NUP210L: variants seen among roughly 807,000 people sequenced by gnomAD.
NUP210L encodes the protein nuclear pore membrane glycoprotein 210-like.
NUP210L carries 74 observed loss-of-function variants against 208.5 expected under a neutral mutation model. That is an observed-to-expected ratio of 0.35 (90% CI 0.29 to 0.43). The LOEUF is 0.43. Ranked by LOEUF, NUP210L falls within the 20% of genes least tolerant of loss-of-function variation. NUP210L has a pLI of 1.00. For synonymous variants in NUP210L, 780 were observed against 816.9 expected (o/e 0.95, Z 0.77); for missense variants, 1,843 against 2,289.4 (o/e 0.81, Z 3.98).
intron 16 of NUP210L, among the ~76,000 whole-genome samples, chr1:154,075,442 C>T (rs541553115): frequency 1.1e-3 from 174 of 151,996 alleles, no homozygotes; most frequent in Admixed American, 2.1e-3. Flanking sequence ...ATACCAGGAA[C>T]ACAAATAAAT....
chr1:154,039,603 T>C (rs1227450655), intron 27 of NUP210L, among the ~76,000 whole-genome samples: 1 of 152,214 alleles, frequency 6.6e-6, no homozygotes, highest in Admixed American at 6.6e-5. Flanking sequence ...TAAAAGTTTT[T>C]TCCTTCAGCA....
At chr1:154,023,381 T>C in intron 30 of NUP210L, 84 bp from the exon 31 acceptor site, 5 of 1,072,348 alleles carry the variant, frequency 4.7e-6, no homozygotes, top group Non-Finnish European at 6.7e-6. Context: ...TAATCAATGA[T>C]AAAGAGTGAT....
chr1:154,073,926 T>C (rs1654907989), intron 16 of NUP210L, among the ~76,000 whole-genome samples: 1 of 152,074 alleles, frequency 6.6e-6, no homozygotes. Flanking sequence ...CAACTCTGAA[T>C]AGTGATATCA....
At chr1:154,099,024 A>T (rs893975016) in intron 14 of NUP210L, among the ~76,000 whole-genome samples, 1 of 152,142 alleles carries the variant, frequency 6.6e-6, no homozygotes, top group East Asian at 1.9e-4. Flanking sequence ...GCGTGTGCTC[A>T]TCTGGCCAGA....
At chr1:154,099,242 C>A (rs1040158011) in intron 14 of NUP210L, among the ~76,000 whole-genome samples, 4 of 152,090 alleles carry the variant, frequency 2.6e-5, no homozygotes, top group Admixed American at 6.6e-5. Context: ...GCATCTCCTG[C>A]CTGCTCGGTG....
At chr1:154,140,050 T>C (rs1658760807) in intron 4 of NUP210L, 98 bp from the exon 5 acceptor site, 21 of 978,496 alleles carry the variant, frequency 2.1e-5, no homozygotes, top group Non-Finnish European at 3.1e-5. Context: ...TCAATGTCTA[T>C]AGAATGTAAA....
intron 10 of NUP210L, among the ~76,000 whole-genome samples, chr1:154,124,683 G>A (rs1185862706): frequency 6.6e-6 from 1 of 152,194 alleles, no homozygotes; most frequent in Non-Finnish European, 1.5e-5. Flanking sequence ...TGGTAGTGGT[G>A]GCTCACACCT....
chr1:154,070,434 A>G, exon 17 of NUP210L: 1 of 1,602,336 alleles, frequency 6.2e-7, no homozygotes, highest in Non-Finnish European at 8.5e-7. Flanking sequence ...TGCTAGTTCC[A>G]GGACTGTGTC....
intron 32 of NUP210L, among the ~76,000 whole-genome samples, chr1:154,019,724 C>T (rs560895512): frequency 3.9e-5 from 6 of 152,134 alleles, no homozygotes; most frequent in Admixed American, 1.3e-4. Context: ...GTCAGGAGTT[C>T]GAGACCAGCC....
chr1:154,019,112 A>G (rs371614232), intron 32 of NUP210L, 43 bp from the exon 33 acceptor site: 47 of 1,606,992 alleles, frequency 2.9e-5, no homozygotes, highest in Admixed American at 1.0e-4. Flanking sequence ...AGCCTTTGAT[A>G]TAAATCACTC....
intron 12 of NUP210L, among the ~76,000 whole-genome samples, chr1:154,108,702 A>G (rs1358813271): frequency 6.6e-6 from 1 of 151,766 alleles, no homozygotes; most frequent in Non-Finnish European, 1.5e-5. Flanking sequence ...AAACAACCAG[A>G]AAACAAATTA....
At chr1:154,080,178 G>T (rs1655246005) in intron 16 of NUP210L, among the ~76,000 whole-genome samples, 2 of 149,366 alleles carry the variant, frequency 1.3e-5, no homozygotes, top group Non-Finnish European at 3.0e-5. Context: ...TGGCCAACAT[G>T]GCAAAACTCC....
At chr1:154,025,451 A>G (rs1335645799) in intron 30 of NUP210L, 91 bp downstream of exon 30, 2 of 872,772 alleles carry the variant, frequency 2.3e-6, no homozygotes, top group African/African-American at 1.7e-5. Context: ...TGATAAGAAA[A>G]TTTCTAGTTT....
At chr1:153,997,990 G>A (rs570098164) in intron 37 of NUP210L, among the ~76,000 whole-genome samples, 5 of 152,052 alleles carry the variant, frequency 3.3e-5, no homozygotes, top group African/African-American at 1.2e-4. Flanking sequence ...TTACAGGCTT[G>A]AGCCACTGCA....
At chr1:154,048,926 T>C (rs1653335508) in intron 25 of NUP210L, among the ~76,000 whole-genome samples, 1 of 152,146 alleles carries the variant, frequency 6.6e-6, no homozygotes, top group South Asian at 2.1e-4. Flanking sequence ...CTGATTGTGC[T>C]GTATGTGGAA....
At chr1:154,069,201 C>G (rs1654576291) in intron 17 of NUP210L, among the ~76,000 whole-genome samples, 1 of 152,136 alleles carries the variant, frequency 6.6e-6, no homozygotes, top group Non-Finnish European at 1.5e-5. Context: ...CAAATGGGAT[C>G]TAATTAAACT....
chr1:154,095,322 T>C (rs1238685370), intron 14 of NUP210L, among the ~76,000 whole-genome samples, 166 bp from the exon 15 acceptor site: 1 of 152,232 alleles, frequency 6.6e-6, no homozygotes, highest in Non-Finnish European at 1.5e-5. Flanking sequence ...TCAACCTAAC[T>C]TGGATCCTAC....
chr1:153,995,451 A>G (rs1011831132), intron 37 of NUP210L, among the ~76,000 whole-genome samples: 2 of 152,322 alleles, frequency 1.3e-5, no homozygotes, highest in Non-Finnish European at 2.9e-5. Flanking sequence ...GATGTGAACT[A>G]TACTTGGCTC....
intron 27 of NUP210L, among the ~76,000 whole-genome samples, chr1:154,035,891 G>A (rs1188724571): frequency 2.6e-5 from 4 of 151,684 alleles, no homozygotes; most frequent in Admixed American, 1.3e-4. Context: ...CTGCCACCGC[G>A]CCTGGCTAAT....
Sources: allele counts gnomAD v4.1 joint callset (sites outside exome capture counted in the v4.1 genomes callset), GRCh38; gene constraint gnomAD v4.1.1; transcripts MANE v1.5; gene names NCBI Gene and HGNC (gene_info 2026-07-23, HGNC 2026-07-21).